Variants in TTLL11 observed in about 807,000 individuals in gnomAD.
The protein encoded by TTLL11 is tubulin polyglutamylase TTLL11.
TTLL11 carries 42 observed loss-of-function variants against 51.7 expected under a neutral mutation model. That is an observed-to-expected ratio of 0.81 (90% CI 0.64 to 1.05). The LOEUF is 1.05. TTLL11 is among the 50% of genes least tolerant of loss of function. The probability of loss-of-function intolerance (pLI) is 0.00; values close to 1 mark genes in which losing one functional copy is unlikely to be tolerated. For synonymous variants in TTLL11, 381 were observed against 383.5 expected (o/e 0.99, Z 0.08); for missense variants, 799 against 940.4 (o/e 0.85, Z 1.97).
chr9:122,002,824 T>C (rs1198865117), intron 3 of TTLL11, among the ~76,000 whole-genome samples: 2 of 151,438 alleles, frequency 1.3e-5, no homozygotes, highest in South Asian at 2.1e-4. Flanking sequence ...CGCATGCCTA[T>C]AGTCCCAGCT....
intron 6 of TTLL11, among the ~76,000 whole-genome samples, chr9:121,964,908 G>T (rs1185474364): frequency 1.3e-5 from 2 of 152,150 alleles, no homozygotes; most frequent in Non-Finnish European, 2.9e-5. Flanking sequence ...TTGTCTTTAT[G>T]CTTGCAGTAC....
At chr9:121,902,205 C>T (rs1202215277) in intron 6 of TTLL11, among the ~76,000 whole-genome samples, 2 of 152,194 alleles carry the variant, frequency 1.3e-5, no homozygotes, top group African/African-American at 4.8e-5. Context: ...GGTGCCTATC[C>T]TTCCTTATCT....
rs190155179 is a variant in TTLL11 at position 121,978,023 on chromosome 9, T to G, written c.1270-3044A>C. Among the ~76,000 whole-genome samples, 47 of 152,274 alleles carry G rather than the reference T, an allele frequency of 3.1e-4. No homozygotes were observed. The East Asian group carries it at 8.5e-3, about 28-fold the overall frequency. ...TCTATGTCCCAAGAACTATTCTAGC[T>G]GCTGGAAATACAACAGTGAACTAAA... On this transcript the variant is annotated intron_variant, in intron 4 of 8. Transcript: ENST00000321582.
chr9:121,833,991 T>C (rs1837104564), intron 8 of TTLL11, among the ~76,000 whole-genome samples: 1 of 152,194 alleles, frequency 6.6e-6, no homozygotes, highest in Admixed American at 6.5e-5. Flanking sequence ...GATGTTTCTG[T>C]CTTATCGTAC....
chr9:121,939,032 G>A (rs1841344440), intron 6 of TTLL11, among the ~76,000 whole-genome samples: 1 of 152,174 alleles, frequency 6.6e-6, no homozygotes, highest in Admixed American at 6.5e-5. Context: ...TCCACTCTAG[G>A]TGTTGACCGC....
At chr9:122,066,260 T>C (rs1845580445) in intron 1 of TTLL11, among the ~76,000 whole-genome samples, 2 of 152,004 alleles carry the variant, frequency 1.3e-5, no homozygotes, top group African/African-American at 2.4e-5. Flanking sequence ...GTAGGGTTTA[T>C]AGGTCATCTT....
intron 4 of TTLL11, among the ~76,000 whole-genome samples, chr9:121,977,075 G>A (rs1842728311): frequency 6.6e-6 from 1 of 152,172 alleles, no homozygotes; most frequent in Non-Finnish European, 1.5e-5. Flanking sequence ...CCAGTTCAAT[G>A]CCCAGTGGTT....
chr9:121,831,699 CA>C (rs35519622), intron 8 of TTLL11, among the ~76,000 whole-genome samples: 65,900 of 133,312 alleles, frequency 0.49, 15,301 homozygotes, highest in East Asian at 0.74. Flanking sequence ...GACTCTGTCT[CA>C]AAAAAAAAAA....
intron 6 of TTLL11, among the ~76,000 whole-genome samples, chr9:121,948,174 A>G (rs1841736845): frequency 6.6e-6 from 1 of 152,162 alleles, no homozygotes; most frequent in African/African-American, 2.4e-5. Flanking sequence ...TACAGAGGAG[A>G]ACATAGAGAT....
At chr9:121,963,206 C>G (rs1177137606) in intron 6 of TTLL11, among the ~76,000 whole-genome samples, 4 of 152,222 alleles carry the variant, frequency 2.6e-5, no homozygotes, top group African/African-American at 9.6e-5. Flanking sequence ...CCATGCTATA[C>G]ACGGTCAGCA....
At chr9:121,954,567 G>A (rs1270094006) in intron 6 of TTLL11, among the ~76,000 whole-genome samples, 1 of 152,126 alleles carries the variant, frequency 6.6e-6, no homozygotes, top group Non-Finnish European at 1.5e-5. Flanking sequence ...GAACTAGAGC[G>A]TTTCTTCTGA....
chr9:121,829,774 TACACACAC>T lies in TTLL11; in HGVS notation c.1841-6903_1841-6896del, dbSNP rs10536790. 9.8e-3 allele frequency among the ~76,000 whole-genome samples: 1,409 copies of T among 144,046 alleles called. 13 individuals are homozygous for T. Among genetic ancestry groups the T allele is most frequent in the East Asian group, 0.027 (132 of 4,888 alleles). The allele number at this position is 144,046 out of a possible 152,430, so 94.5% of individuals were successfully genotyped here. A position where few individuals can be genotyped will look rare whatever the true frequency, so the allele number is the denominator to read the frequency against. On this transcript the variant is annotated intron_variant, in intron 8 of 8. Coordinates refer to ENST00000321582, the MANE Select transcript of TTLL11 (RefSeq NM_001139442.2). ...TGCTCGTTGTTGATAATAATTCAAG[TACACACAC>T]ACACACACACACACACACACACACA...
chr9:121,964,244 G>GA (rs1000563065), intron 6 of TTLL11, among the ~76,000 whole-genome samples: 11 of 151,448 alleles, frequency 7.3e-5, no homozygotes, highest in East Asian at 1.9e-4. Context: ...TAGAGGAGAG[G>GA]AAAAAAAATC....
At chr9:121,974,325 G>C (rs1307622126) in intron 5 of TTLL11, among the ~76,000 whole-genome samples, 2 of 152,144 alleles carry the variant, frequency 1.3e-5, no homozygotes, top group Non-Finnish European at 2.9e-5. Context: ...AGGAAAAATA[G>C]CACTATGTTT....
chr9:121,952,360 C>T (rs963093197), intron 6 of TTLL11, among the ~76,000 whole-genome samples: 1 of 150,386 alleles, frequency 6.6e-6, no homozygotes, highest in African/African-American at 2.4e-5. Flanking sequence ...GCAGGAGAAT[C>T]GCTTGAACCT....
chr9:121,917,609 G>A lies in TTLL11; in HGVS notation c.1482-46861C>T, dbSNP rs370424571. ...AAAGAAGAGAGGGAAAGAAGGAAGG[G>A]AGGGAGGGAAGGGGAGGGAAGGGAG... On this transcript the variant is annotated intron_variant, in intron 6 of 8. Transcript: ENST00000321582. Among the ~76,000 whole-genome samples the A allele has an allele frequency of 3.9e-4, 56 of 142,976 alleles. 1 individual carries two copies. In the East Asian group the frequency reaches 7.9e-3, roughly 20 times the overall value. The allele number at this position is 142,976 out of a possible 152,430, so 93.8% of individuals were successfully genotyped here. A position where few individuals can be genotyped will look rare whatever the true frequency, so the allele number is the denominator to read the frequency against.
chr9:121,951,231 G>C (rs1444452999), intron 6 of TTLL11, among the ~76,000 whole-genome samples: 1 of 152,216 alleles, frequency 6.6e-6, no homozygotes, highest in African/African-American at 2.4e-5. Context: ...GGAATCAGAA[G>C]GATGGTCATT....
chr9:121,987,453 C>T (rs577584937), intron 4 of TTLL11, among the ~76,000 whole-genome samples: 1 of 152,264 alleles, frequency 6.6e-6, no homozygotes, highest in East Asian at 1.9e-4. Flanking sequence ...CGTCTCCCCA[C>T]CCTGCACTGT....
intron 6 of TTLL11, among the ~76,000 whole-genome samples, chr9:121,901,796 G>A (rs1588111672): frequency 2.0e-5 from 3 of 152,272 alleles, no homozygotes; most frequent in African/African-American, 7.2e-5. Flanking sequence ...TAGGCCACAA[G>A]GGATTGTCAG....
Sources: allele counts gnomAD v4.1 joint callset (sites outside exome capture counted in the v4.1 genomes callset), GRCh38; gene constraint gnomAD v4.1.1; transcripts MANE v1.5; gene names NCBI Gene and HGNC (gene_info 2026-07-23, HGNC 2026-07-21).